Variants in PLCL2 observed in about 807,000 individuals in gnomAD.
The protein encoded by PLCL2 is phospholipase C like 2.
Under a neutral mutation model 79.6 loss-of-function variants are expected in PLCL2, and 4 were observed. That is an observed-to-expected ratio of 0.05 (90% CI 0.02 to 0.11). PLCL2 has a LOEUF of 0.11. Among genes scored for constraint, PLCL2 ranks in the 10% least tolerant of loss-of-function variants. The pLI is 1.00. For synonymous variants in PLCL2, 484 were observed against 457.7 expected, an observed-to-expected ratio of 1.06 and a Z score of -0.73; for missense variants, 895 against 1,291.0, an observed-to-expected ratio of 0.69 and a Z score of 4.70.
intron 1 of PLCL2, among the ~76,000 whole-genome samples, chr3:16,903,572 G>C (rs983417011): frequency 9.2e-5 from 14 of 152,310 alleles, no homozygotes; most frequent in African/African-American, 3.4e-4. Context: ...CCCCTGTGCT[G>C]GTTTTACAGC....
chr3:16,891,999 CT>C (rs1446636207), intron 1 of PLCL2, among the ~76,000 whole-genome samples: 2 of 152,342 alleles, frequency 1.3e-5, no homozygotes, highest in African/African-American at 4.8e-5. Context: ...GCAACTACAT[CT>C]TTTTCATCCT....
At chr3:17,030,084 G>A (rs1196134059) in intron 3 of PLCL2, among the ~76,000 whole-genome samples, 1 of 152,076 alleles carries the variant, frequency 6.6e-6, no homozygotes, top group African/African-American at 2.4e-5. Context: ...GTGACTGGGG[G>A]CAAGGCTGTT....
intron 3 of PLCL2, among the ~76,000 whole-genome samples, chr3:17,037,804 G>A (rs1471565907): frequency 6.6e-6 from 1 of 152,018 alleles, no homozygotes; most frequent in Non-Finnish European, 1.5e-5. Context: ...TCAGACATAG[G>A]GTCCTTATAT....
At chr3:16,899,639 A>G (rs1296436265) in intron 1 of PLCL2, among the ~76,000 whole-genome samples, 1 of 152,022 alleles carries the variant, frequency 6.6e-6, no homozygotes, top group African/African-American at 2.4e-5. Flanking sequence ...GATTTCTTGT[A>G]TGTCTTTTCG....
intron 1 of PLCL2, among the ~76,000 whole-genome samples, chr3:16,908,973 G>C (rs1012718553): frequency 2.0e-5 from 3 of 152,144 alleles, no homozygotes; most frequent in Non-Finnish European, 4.4e-5. Context: ...CTGGAACAAA[G>C]TATGCTTCAG....
intron 1 of PLCL2, among the ~76,000 whole-genome samples, chr3:16,980,685 C>T (rs2063982697): frequency 6.6e-6 from 1 of 151,894 alleles, no homozygotes; most frequent in Admixed American, 6.5e-5. Flanking sequence ...CCTCACATCC[C>T]AGACGATGGG....
At chr3:16,902,991 C>T (rs1271418562) in intron 1 of PLCL2, among the ~76,000 whole-genome samples, 1 of 151,974 alleles carries the variant, frequency 6.6e-6, no homozygotes, top group African/African-American at 2.4e-5. Flanking sequence ...TTGCCATGCA[C>T]TGGTTCATTT....
chr3:16,939,692 A>G (rs1410032995), intron 1 of PLCL2, among the ~76,000 whole-genome samples: 2 of 152,262 alleles, frequency 1.3e-5, no homozygotes, highest in Non-Finnish European at 2.9e-5. Context: ...GGATAGACTT[A>G]TAGAGCCTCT....
intron 1 of PLCL2, among the ~76,000 whole-genome samples, chr3:16,960,605 T>G (rs995268157): frequency 6.6e-6 from 1 of 152,344 alleles, no homozygotes; most frequent in South Asian, 2.1e-4. Flanking sequence ...TTGTATTGCC[T>G]GCTTCACCCC....
rs768607092 is a variant in PLCL2, at chr3:17,011,556, T to A, written c.2210T>A (p.Val737Asp). ...VLRPAIMREEVSFFSANTKDS... is the reference protein window; with the variant it reads ...VLRPAIMREEDSFFSANTKDS... ...CGGCCAGCCATCATGAGGGAGGAGG[T>A]CTCCTTCTTCAGCGCCAATACAAAA... The change falls in exon 2 of 6, where the codon GTC becomes GAC. Residue 737 changes from valine (V) to aspartate (D), a missense_variant. This residue lies in a region of PLCL2 where 23 missense variants were observed against 86.9 expected (regional missense o/e 0.26). Coordinates refer to ENST00000615277, the MANE Select transcript of PLCL2 (RefSeq NM_001144382.2). The surrounding 1 kb of genome is among the most constrained non-coding windows in gnomAD (Gnocchi z 7.9). 6.2e-7 allele frequency: 1 copy of A among 1,613,522 alleles called. No individual in the cohort carries two copies. Among genetic ancestry groups the A allele is most frequent in the Non-Finnish European group, 8.5e-7 (1 of 1,179,872 alleles).
Position 17,012,223 on chromosome 3 carries a change from A to G in PLCL2, c.2814+63A>G, listed in dbSNP as rs973314927. The G allele has an allele frequency of 1.1e-5, 15 of 1,409,506 alleles. No homozygotes were observed. In the African/African-American group the frequency reaches 1.9e-4, roughly 18 times the overall value. 87.3% of individuals were successfully genotyped at this position (1,409,506 alleles called of 1,614,324 possible). On this transcript the variant is annotated intron_variant, in intron 2 of 5. Coordinates refer to ENST00000615277, the MANE Select transcript of PLCL2 (RefSeq NM_001144382.2). ...CCTACTTTGTACATGTCCATAGTTT[A>G]TAAATATATTGGTTTTTTAATAATA...
chr3:16,981,975 G>C (rs2064003534), intron 1 of PLCL2, among the ~76,000 whole-genome samples: 5 of 152,044 alleles, frequency 3.3e-5, no homozygotes, highest in Admixed American at 3.3e-4. Context: ...ATTATGCTGT[G>C]ACCATAGGCC....
chr3:17,050,664 G>A (rs898664621), intron 4 of PLCL2, among the ~76,000 whole-genome samples: 8 of 152,102 alleles, frequency 5.3e-5, no homozygotes, highest in Non-Finnish European at 1.2e-4. Flanking sequence ...GCGAGGCTGT[G>A]GAGAAAAGGG....
chr3:16,923,977 G>GTCATTTGATCATT (rs1697186021), intron 1 of PLCL2, among the ~76,000 whole-genome samples: 1 of 151,980 alleles, frequency 6.6e-6, no homozygotes, highest in South Asian at 2.1e-4. Context: ...TGATCTATTT[G>GTCATTTGATCATT]TTGATCTTCT....
At chr3:16,922,987 A>G (rs924518497) in intron 1 of PLCL2, among the ~76,000 whole-genome samples, 1 of 152,208 alleles carries the variant, frequency 6.6e-6, no homozygotes, top group African/African-American at 2.4e-5. Context: ...TAACCCCTCT[A>G]TAATACATAT....
chr3:17,065,885 C>A (rs1044867923), intron 4 of PLCL2, among the ~76,000 whole-genome samples: 1 of 152,220 alleles, frequency 6.6e-6, no homozygotes, highest in Non-Finnish European at 1.5e-5. Flanking sequence ...CAATTCCAGT[C>A]ATGGATTCCA....
intron 1 of PLCL2, among the ~76,000 whole-genome samples, chr3:16,931,156 T>A (rs1186785796): frequency 7.1e-6 from 1 of 140,730 alleles, no homozygotes; most frequent in Admixed American, 7.1e-5. Flanking sequence ...GATTGCCATT[T>A]ATTTTTTTTT....
chr3:16,981,813 G>A (rs1455480917), intron 1 of PLCL2, among the ~76,000 whole-genome samples: 1 of 152,198 alleles, frequency 6.6e-6, no homozygotes, highest in Non-Finnish European at 1.5e-5. Flanking sequence ...TAAAAGATGT[G>A]TAACCCTGTG....
chr3:16,907,472 C>T (rs890024733), intron 1 of PLCL2, among the ~76,000 whole-genome samples: 2 of 152,134 alleles, frequency 1.3e-5, no homozygotes, highest in Non-Finnish European at 2.9e-5. Context: ...GCTTGGAGCA[C>T]CTACCACTAT....
Sources: allele counts gnomAD v4.1 joint callset (sites outside exome capture counted in the v4.1 genomes callset), GRCh38; gene constraint gnomAD v4.1.1; regional missense constraint gnomAD v4.1.1; non-coding constraint Gnocchi (gnomAD v3.1); transcripts MANE v1.5; gene names NCBI Gene and HGNC (gene_info 2026-07-23, HGNC 2026-07-21).